Variants in PIBF1 observed in about 807,000 individuals in gnomAD.
PIBF1 encodes progesterone immunomodulatory binding factor 1, also known as progesterone-induced-blocking factor 1.
In PIBF1, 90 loss-of-function variants were observed where a neutral mutation model predicts 112.5. The observed-to-expected ratio is 0.80, with a 90% CI of 0.67 to 0.95. PIBF1 has a LOEUF of 0.95. Ranked by LOEUF, PIBF1 falls within the 40% of genes least tolerant of loss-of-function variation. PIBF1 has a pLI of 0.00. For synonymous variants in PIBF1, 301 were observed against 288.6 expected (o/e 1.04, Z -0.44); for missense variants, 915 against 852.3 (o/e 1.07, Z -0.92).
At chr13:73,014,445 A>T (rs533828776) in intron 17 of PIBF1, among the ~76,000 whole-genome samples, 1 of 152,308 alleles carries the variant, frequency 6.6e-6, no homozygotes, top group East Asian at 1.9e-4. Flanking sequence ...GGGCAGTGAA[A>T]ATATTATGTG....
At chr13:72,940,523 C>A (rs1031785428) in intron 14 of PIBF1, among the ~76,000 whole-genome samples, 9 of 152,058 alleles carry the variant, frequency 5.9e-5, no homozygotes, top group African/African-American at 2.2e-4. Flanking sequence ...CATTATATAT[C>A]ACATTGTTCA....
intron 9 of PIBF1, among the ~76,000 whole-genome samples, chr13:72,841,890 T>G (rs558224180): frequency 6.6e-6 from 1 of 152,372 alleles, no homozygotes; most frequent in South Asian, 2.1e-4. Context: ...TTTTGGTACC[T>G]TGTGCCTATG....
intron 16 of PIBF1, among the ~76,000 whole-genome samples, chr13:72,993,812 G>T (rs1043489506): frequency 6.6e-6 from 1 of 151,148 alleles, no homozygotes; most frequent in African/African-American, 2.4e-5. Context: ...AGAAGACAGA[G>T]CAGTAATACC....
chr13:72,845,664 A>C (rs908097624), intron 9 of PIBF1, among the ~76,000 whole-genome samples: 11 of 152,104 alleles, frequency 7.2e-5, no homozygotes, highest in African/African-American at 2.4e-4. Context: ...TCTCACCAGC[A>C]TCTGTTGTTT....
At position 72,959,265 on chromosome 13, in the gene PIBF1, G is replaced by T. The variant is rs186968052; in HGVS notation, c.1834-6009G>T. On this transcript the variant is annotated intron_variant, in intron 14 of 17. Transcript: ENST00000326291. ...CCCACCTTGGCTTCCCAAAGTGCTG[G>T]GATTACAGGCATGAGCCACCACGCC... Among the ~76,000 whole-genome samples, 7 of 152,204 alleles carry T rather than the reference G, an allele frequency of 4.6e-5. No individual in the cohort carries two copies. In the East Asian group the frequency reaches 1.4e-3, roughly 29 times the overall value.
intron 10 of PIBF1, among the ~76,000 whole-genome samples, chr13:72,886,227 A>G (rs181742472): frequency 1.7e-4 from 26 of 152,076 alleles, no homozygotes; most frequent in Admixed American, 4.6e-4. Context: ...TTCAGTTTAT[A>G]TGTTCTGAAT....
intron 11 of PIBF1, among the ~76,000 whole-genome samples, chr13:72,894,431 G>C (rs192239223): frequency 6.6e-6 from 1 of 151,930 alleles, no homozygotes; most frequent in East Asian, 1.9e-4. Context: ...ATTTTTAAAA[G>C]TACTTTTTAA....
At chr13:72,798,317 T>C (rs756289955) in intron 5 of PIBF1, among the ~76,000 whole-genome samples, 1 of 152,222 alleles carries the variant, frequency 6.6e-6, no homozygotes, top group Non-Finnish European at 1.5e-5. Flanking sequence ...TGAAAATTGC[T>C]GTGTATCCTT....
chr13:72,909,951 A>G (rs4614596), intron 12 of PIBF1, among the ~76,000 whole-genome samples: 41,185 of 151,908 alleles, frequency 0.27, 6,754 homozygotes, highest in East Asian at 0.48. Context: ...ACATTTCACC[A>G]TTGGCTGTGA....
intron 17 of PIBF1, among the ~76,000 whole-genome samples, chr13:73,005,775 T>C (rs1192326020): frequency 6.6e-6 from 1 of 152,138 alleles, no homozygotes; most frequent in Non-Finnish European, 1.5e-5. Flanking sequence ...ATTATAATAT[T>C]TCTATGGCAC....
At chr13:72,817,650 C>T (rs1381591427) in intron 5 of PIBF1, among the ~76,000 whole-genome samples, 1 of 152,082 alleles carries the variant, frequency 6.6e-6, no homozygotes, top group Non-Finnish European at 1.5e-5. Flanking sequence ...AGATAAGAAT[C>T]AGGTGTTGTG....
intron 10 of PIBF1, among the ~76,000 whole-genome samples, chr13:72,875,260 A>G (rs1251883622): frequency 1.3e-5 from 2 of 152,134 alleles, no homozygotes; most frequent in Non-Finnish European, 2.9e-5. Flanking sequence ...AGTGCTGAAT[A>G]GTATTCTATT....
rs1373139346 is a variant in PIBF1 at position 72,827,482 on chromosome 13, C to A, written c.916-251C>A. Among the ~76,000 whole-genome samples, 3 of 152,060 alleles carry A rather than the reference C, an allele frequency of 2.0e-5. No individual in the cohort carries two copies. In the East Asian group the frequency reaches 5.8e-4, roughly 29 times the overall value. ...CAGGCTGGTCGCAAACTCCTGACCT[C>A]AAATGATCCACCTGCCTTGGCCTCC... On this transcript the variant is annotated intron_variant, in intron 7 of 17. Coordinates refer to ENST00000326291, the MANE Select transcript of PIBF1 (RefSeq NM_006346.4).
At chr13:72,835,884 G>T (rs1298060024) in intron 9 of PIBF1, among the ~76,000 whole-genome samples, 2 of 152,066 alleles carry the variant, frequency 1.3e-5, no homozygotes, top group Admixed American at 1.3e-4. Context: ...CAGATCACGA[G>T]GTCAGGAGAT....
intron 16 of PIBF1, among the ~76,000 whole-genome samples, chr13:72,981,010 G>A (rs193081803): frequency 6.4e-4 from 97 of 151,664 alleles, no homozygotes; most frequent in East Asian, 2.6e-3. Context: ...TTTGGGAGGC[G>A]GAAGTGGGTG....
intron 2 of PIBF1, among the ~76,000 whole-genome samples, chr13:72,790,423 A>ACACT (rs1555281002): frequency 1.5e-5 from 1 of 67,974 alleles, no homozygotes; most frequent in African/African-American, 4.3e-5. Context: ...GGAGTCCATC[A>ACACT]CACACACACA....
At chr13:72,883,235 A>G (rs2039713688) in intron 10 of PIBF1, among the ~76,000 whole-genome samples, 1 of 152,196 alleles carries the variant, frequency 6.6e-6, no homozygotes, top group South Asian at 2.1e-4. Flanking sequence ...AGCGAGGCAC[A>G]ATAAGACAAA....
intron 10 of PIBF1, among the ~76,000 whole-genome samples, chr13:72,893,166 G>A (rs2040127365): frequency 6.6e-6 from 1 of 152,080 alleles, no homozygotes; most frequent in South Asian, 2.1e-4. Context: ...AGTATGTGGT[G>A]ATTTATATGT....
chr13:72,950,854 T>G (rs767738157), intron 14 of PIBF1, among the ~76,000 whole-genome samples: 4 of 152,090 alleles, frequency 2.6e-5, no homozygotes, highest in African/African-American at 7.2e-5. Context: ...ACCTAACGGG[T>G]TATATGAAGA....
Sources: allele counts gnomAD v4.1 joint callset (sites outside exome capture counted in the v4.1 genomes callset), GRCh38; gene constraint gnomAD v4.1.1; transcripts MANE v1.5; gene names NCBI Gene and HGNC (gene_info 2026-07-23, HGNC 2026-07-21).